Variants in TMEM233 observed in about 807,000 individuals in gnomAD.
The protein encoded by TMEM233 is dispanin subfamily B member 2.
Under a neutral mutation model 11.2 loss-of-function variants are expected in TMEM233, and 6 were observed. The observed-to-expected ratio is 0.54, with a 90% confidence interval of 0.29 to 1.06. The LOEUF (loss-of-function observed/expected upper bound fraction) is 1.06. Among genes scored for constraint, TMEM233 ranks in the 50% least tolerant of loss-of-function variants. TMEM233 has a pLI of 0.08. For missense variants in TMEM233, 127 were observed against 144.7 expected, an observed-to-expected ratio of 0.88 and a Z score of 0.63; for synonymous variants, 59 against 55.8, an observed-to-expected ratio of 1.06 and a Z score of -0.26.
At position 119,603,774 on chromosome 12, in the gene TMEM233, G is replaced by A. The variant is rs2136684196; in HGVS notation, c.186+9740G>A. 2.0e-5 allele frequency among the ~76,000 whole-genome samples: 3 copies of A among 152,340 alleles called. 1 individual carries two copies. In the South Asian group the frequency reaches 6.2e-4, roughly 32 times the overall value. ...CAGCACCTAGCACAATGTCAAGCAT[G>A]AAGTCCACATGTAACAAACATTTGA... On this transcript the variant is annotated intron_variant, in intron 1 of 2. Transcript: ENST00000426426.
intron 1 of TMEM233, among the ~76,000 whole-genome samples, chr12:119,623,700 A>G (rs1954692326): frequency 6.6e-6 from 1 of 152,196 alleles, no homozygotes; most frequent in Admixed American, 6.5e-5. Flanking sequence ...GCAGATTTAG[A>G]ATAAGAGCAA....
At chr12:119,643,917 C>A (rs116686903), downstream of TMEM233, among the ~76,000 whole-genome samples, 811 of 152,234 alleles carry the variant, frequency 5.3e-3, 12 homozygotes, top group African/African-American at 0.018. Flanking sequence ...TCCTGGTGCG[C>A]AGGGTTTTTG....
chr12:119,610,917 T>C (rs907138618), intron 1 of TMEM233, among the ~76,000 whole-genome samples: 3 of 152,156 alleles, frequency 2.0e-5, no homozygotes, highest in Non-Finnish European at 4.4e-5. Context: ...TTCTTATAAA[T>C]GAAATCATAC....
At chr12:119,623,469 AGGCTGAG>A (rs1338750525) in intron 1 of TMEM233, among the ~76,000 whole-genome samples, 1 of 151,554 alleles carries the variant, frequency 6.6e-6, no homozygotes, top group Admixed American at 6.6e-5. Flanking sequence ...GCAGTTTGGG[AGGCTGAG>A]GCAGGTGGAC....
chr12:119,613,011 G>T (rs1954437398), intron 1 of TMEM233, among the ~76,000 whole-genome samples: 1 of 151,982 alleles, frequency 6.6e-6, no homozygotes, highest in Non-Finnish European at 1.5e-5. Context: ...TGCACAACGT[G>T]CAGGCTTGTT....
chr12:119,612,256 G>A (rs1230558497), intron 1 of TMEM233, among the ~76,000 whole-genome samples: 1 of 151,992 alleles, frequency 6.6e-6, no homozygotes, highest in African/African-American at 2.4e-5. Flanking sequence ...CACTCCCAAA[G>A]TGCTGGGATT....
the TMEM233 span, among the ~76,000 whole-genome samples, chr12:119,649,824 T>C: frequency 1.4e-5 from 2 of 143,394 alleles, no homozygotes; most frequent in African/African-American, 2.6e-5. Flanking sequence ...TAAACTTAGC[T>C]CTTCTGTCCC....
At chr12:119,627,157 T>A (rs1457368358) in intron 1 of TMEM233, among the ~76,000 whole-genome samples, 1 of 152,230 alleles carries the variant, frequency 6.6e-6, no homozygotes, top group East Asian at 1.9e-4. Context: ...GGCTTGGGCA[T>A]GGAGATGAAA....
At chr12:119,633,216 A>G (rs1223739441) in intron 2 of TMEM233, among the ~76,000 whole-genome samples, 2 of 152,134 alleles carry the variant, frequency 1.3e-5, no homozygotes, top group Non-Finnish European at 2.9e-5. Flanking sequence ...TTCCCTAACT[A>G]TAAAATGAGA....
chr12:119,640,988 G>A lies in TMEM233; in HGVS notation c.*283G>A, dbSNP rs774981381. 21 of 427,078 alleles carry A rather than the reference G, an allele frequency of 4.9e-5. No individual in the cohort carries two copies. Among genetic ancestry groups the A allele is most frequent in the Middle Eastern group, 6.3e-4 (1 of 1,578 alleles). The allele number at this position is 427,078 out of a possible 1,614,324, so 26.5% of individuals were successfully genotyped here. A position where few individuals can be genotyped will look rare whatever the true frequency, so the allele number is the denominator to read the frequency against. On this transcript the variant is annotated 3_prime_UTR_variant, in exon 3 of 3. Coordinates refer to ENST00000426426, the MANE Select transcript of TMEM233 (RefSeq NM_001136534.3). The stretch of plus-strand genomic sequence containing the variant: ...TGAAGTCTCACTGTCTCAGTTTAGC[G>A]AATCCCGTTGTGTCCACTCCTGTCC...
At chr12:119,644,930 T>C (rs1425019442), downstream of TMEM233, among the ~76,000 whole-genome samples, 1 of 151,998 alleles carries the variant, frequency 6.6e-6, no homozygotes, top group Non-Finnish European at 1.5e-5. Context: ...GTGGCAGTAG[T>C]CTAGTGGGGG....
Position 119,631,425 on chromosome 12 carries a change from T to C in TMEM233, c.323+1553T>C, listed in dbSNP as rs1041818117. The C allele has an allele frequency of 7.3e-6, 6 of 819,578 alleles. No homozygotes were observed. In the African/African-American group the frequency reaches 1.1e-4, roughly 15 times the overall value. The allele number at this position is 819,578 out of a possible 1,614,324, so 50.8% of individuals were successfully genotyped here. ...AGACCCAGGAACAACCAGTGGCAGC[T>C]GGGTAGAGGGGAAGATGTCAAAACA... On this transcript the variant is annotated intron_variant, in intron 2 of 2. Transcript: ENST00000426426.
Position 119,594,711 on chromosome 12 carries a change from T to C in TMEM233, c.186+677T>C, listed in dbSNP as rs1030356449. Among the ~76,000 whole-genome samples, 4 of 152,136 alleles carry C rather than the reference T, an allele frequency of 2.6e-5. No homozygotes were observed. The highest frequency in any genetic ancestry group is 3.4e-3 in the Middle Eastern group (1 of 294). ...CTACACCCAACTTCCTCTCCTTGCC[T>C]CCCTCCGGCGCCCCCTTTTTAACGC... On this transcript the variant is annotated intron_variant, in intron 1 of 2. Coordinates refer to ENST00000426426, the MANE Select transcript of TMEM233 (RefSeq NM_001136534.3). This position sits in a 1 kb window ranked among gnomAD's most constrained non-coding sequence, Gnocchi z 5.6.
In TMEM233 at chr12:119,612,268, C is replaced by T. The variant is rs142230579; in HGVS notation, c.187-17468C>T. On this transcript the variant is annotated intron_variant, in intron 1 of 2. Coordinates refer to ENST00000426426, the MANE Select transcript of TMEM233 (RefSeq NM_001136534.3). ...TCGCACTCCCAAAGTGCTGGGATTA[C>T]AGGCGTGAGCCACTGCGCCCAGCCC... 5.1e-3 allele frequency among the ~76,000 whole-genome samples: 771 copies of T among 151,158 alleles called. 6 individuals are homozygous for T. Among genetic ancestry groups the T allele is most frequent in the African/African-American group, 0.018 (733 of 41,296 alleles).
At chr12:119,608,863 G>T (rs1954337612) in intron 1 of TMEM233, among the ~76,000 whole-genome samples, 2 of 152,162 alleles carry the variant, frequency 1.3e-5, no homozygotes, top group Non-Finnish European at 2.9e-5. Context: ...TATATGCCAA[G>T]CACTATGGCA....
chr12:119,619,734 T>A (rs1954605812), intron 1 of TMEM233, among the ~76,000 whole-genome samples: 1 of 152,124 alleles, frequency 6.6e-6, no homozygotes, highest in Non-Finnish European at 1.5e-5. Context: ...TATTTTAAAA[T>A]ATTTTTTGAA....
chr12:119,636,719 C>G (rs1954975167), intron 2 of TMEM233, among the ~76,000 whole-genome samples: 1 of 152,212 alleles, frequency 6.6e-6, no homozygotes, highest in Admixed American at 6.5e-5. Context: ...ACCAGGACAA[C>G]ATTTGGGTAT....
chr12:119,598,025 G>T (rs1160137266), intron 1 of TMEM233, among the ~76,000 whole-genome samples: 1 of 152,130 alleles, frequency 6.6e-6, no homozygotes. Context: ...ACCCATCCCT[G>T]GCTATCTGTT....
intron 1 of TMEM233, among the ~76,000 whole-genome samples, chr12:119,617,462 A>G (rs1236968421): frequency 6.6e-6 from 1 of 152,168 alleles, no homozygotes; most frequent in African/African-American, 2.4e-5. Context: ...TGGCAGAAGA[A>G]ATTTCTACAT....
Sources: gnomAD v4.1 joint callset for allele counts (sites outside exome capture counted in the v4.1 genomes callset) on GRCh38, gnomAD v4.1.1 for gene constraint, Gnocchi (gnomAD v3.1) non-coding constraint, MANE v1.5 for transcripts, NCBI Gene and HGNC (gene_info 2026-07-23, HGNC 2026-07-21) for gene names.